The following NRG3 variants were observed in gnomAD, a reference collection of about 807,000 sequenced individuals.
NRG3 encodes the protein pro-neuregulin-3, membrane-bound isoform.
Under a neutral mutation model 66.9 loss-of-function variants are expected in NRG3, and 31 were observed. That is an observed-to-expected ratio of 0.46 (90% confidence interval 0.35 to 0.63). The LOEUF is 0.63. Among genes scored for constraint, NRG3 ranks in the 20% least tolerant of loss-of-function variants. The pLI, the probability that NRG3 is intolerant of heterozygous loss-of-function variation, is 0.00. For missense variants in NRG3, 910 were observed against 878.9 expected (o/e 1.04, Z -0.45); for synonymous variants, 393 against 359.4 (o/e 1.09, Z -1.06).
chr10:82,387,717 C>T (rs11194101), intron 2 of NRG3, among the ~76,000 whole-genome samples: 9 of 152,036 alleles, frequency 5.9e-5, no homozygotes, highest in Admixed American at 5.9e-4. Flanking sequence ...TGGCTATGAA[C>T]TCACCCACCA....
intron 1 of NRG3, among the ~76,000 whole-genome samples, chr10:82,018,136 T>G (rs2061876343): frequency 6.6e-6 from 1 of 152,206 alleles, no homozygotes; most frequent in South Asian, 2.1e-4. Context: ...GGGATCCAGT[T>G]TCCGCTTTCT....
intron 1 of NRG3, among the ~76,000 whole-genome samples, chr10:81,930,610 A>G (rs938033793): frequency 2.6e-5 from 4 of 152,162 alleles, no homozygotes; most frequent in African/African-American, 7.2e-5. Context: ...GTTTTGATCT[A>G]TAGGAGTTTT....
At chr10:82,395,511 C>T (rs2086657049) in intron 2 of NRG3, among the ~76,000 whole-genome samples, 1 of 152,110 alleles carries the variant, frequency 6.6e-6, no homozygotes, top group Non-Finnish European at 1.5e-5. Context: ...TTGTGTAAAA[C>T]CAGAATAAAT....
At chr10:81,960,630 T>G (rs1311207976) in intron 1 of NRG3, among the ~76,000 whole-genome samples, 5 of 151,674 alleles carry the variant, frequency 3.3e-5, no homozygotes, top group Non-Finnish European at 1.5e-5. Flanking sequence ...AAACTAATTC[T>G]GGTATCAAGC....
intron 1 of NRG3, among the ~76,000 whole-genome samples, chr10:81,921,556 A>T (rs1410393395): frequency 1.3e-5 from 2 of 152,046 alleles, no homozygotes; most frequent in East Asian, 3.9e-4. Context: ...ATCTGTCTAC[A>T]TTTATGCCTA....
At chr10:82,569,522 G>T (rs1020237628) in intron 2 of NRG3, among the ~76,000 whole-genome samples, 17 of 151,818 alleles carry the variant, frequency 1.1e-4, no homozygotes, top group African/African-American at 4.1e-4. Context: ...ATGTACCAAA[G>T]CTAAACTCTG....
chr10:82,786,690 A>G (rs981804582), intron 3 of NRG3, among the ~76,000 whole-genome samples: 13 of 152,148 alleles, frequency 8.5e-5, no homozygotes, highest in Admixed American at 1.3e-4. Flanking sequence ...TGAGAATGAC[A>G]TATGTTTTCC....
At chr10:82,337,717 C>T (rs2082461039) in intron 1 of NRG3, among the ~76,000 whole-genome samples, 1 of 152,090 alleles carries the variant, frequency 6.6e-6, no homozygotes, top group African/African-American at 2.4e-5. Context: ...TAAACACTAA[C>T]AATTTTGGAC....
chr10:82,179,675 A>G (rs2073282450), intron 1 of NRG3, among the ~76,000 whole-genome samples: 1 of 151,932 alleles, frequency 6.6e-6, no homozygotes, highest in South Asian at 2.1e-4. Flanking sequence ...ATTACAGAGT[A>G]TGAGGACTCT....
At chr10:82,551,019 C>G (rs994920352) in intron 2 of NRG3, among the ~76,000 whole-genome samples, 2 of 151,960 alleles carry the variant, frequency 1.3e-5, no homozygotes, top group Admixed American at 6.6e-5. Flanking sequence ...AAACTATTGA[C>G]AATACCAAAG....
intron 1 of NRG3, among the ~76,000 whole-genome samples, chr10:81,974,408 A>G (rs1017121246): frequency 2.0e-5 from 3 of 152,186 alleles, no homozygotes; most frequent in Admixed American, 6.5e-5. Context: ...TGACTGTGGC[A>G]TAGTAAGCCA....
intron 1 of NRG3, among the ~76,000 whole-genome samples, chr10:82,228,026 C>T (rs2076253413): frequency 6.6e-6 from 1 of 152,128 alleles, no homozygotes; most frequent in Non-Finnish European, 1.5e-5. Flanking sequence ...TTGATGGTCC[C>T]TGATGTTTCA....
At chr10:81,983,903 C>G (rs918747208) in intron 1 of NRG3, among the ~76,000 whole-genome samples, 3 of 152,134 alleles carry the variant, frequency 2.0e-5, no homozygotes, top group African/African-American at 7.2e-5. Context: ...GATTAAGGAT[C>G]TTGATATCGG....
chr10:82,281,655 A>G (rs189504191), intron 1 of NRG3, among the ~76,000 whole-genome samples: 2 of 152,244 alleles, frequency 1.3e-5, no homozygotes, highest in East Asian at 3.9e-4. Context: ...GTGAATCTAA[A>G]TTCCATTTTA....
Position 82,324,994 on chromosome 10 carries a change from G to T in NRG3, c.824-33745G>T, listed in dbSNP as rs144600815. On this transcript the variant is annotated intron_variant, in intron 1 of 8. Transcript: ENST00000372141. ...TCTTCTTGACTGTCAACTACCAAGA[G>T]ATAAGGGTTAAAATAGCAGATTATA... Among the ~76,000 whole-genome samples, 354 of 152,230 alleles carry T rather than the reference G, an allele frequency of 2.3e-3. 1 individual carries two copies. The highest frequency in any genetic ancestry group is 4.1e-3 in the Non-Finnish European group (282 of 68,016).
At chr10:82,897,007 G>T (rs1382355978) in intron 4 of NRG3, among the ~76,000 whole-genome samples, 1 of 152,158 alleles carries the variant, frequency 6.6e-6, no homozygotes, top group African/African-American at 2.4e-5. Flanking sequence ...GAAGAAATTC[G>T]GTTTGGTGAA....
chr10:82,609,970 G>C (rs2048207221), intron 2 of NRG3, among the ~76,000 whole-genome samples: 1 of 152,134 alleles, frequency 6.6e-6, no homozygotes, highest in African/African-American at 2.4e-5. Context: ...GTCTACCAAG[G>C]CTGGGCTTTT....
At chr10:82,817,469 G>A (rs1050591703) in intron 3 of NRG3, among the ~76,000 whole-genome samples, 1 of 152,124 alleles carries the variant, frequency 6.6e-6, no homozygotes, top group Non-Finnish European at 1.5e-5. Context: ...CTGTTTCCAG[G>A]CACTTGTGCT....
intron 2 of NRG3, among the ~76,000 whole-genome samples, chr10:82,734,823 A>G (rs768051593): frequency 6.6e-6 from 1 of 151,976 alleles, no homozygotes; most frequent in Non-Finnish European, 1.5e-5. Context: ...TTTGAGACCA[A>G]CTTCGGCAAC....
Sources: allele counts gnomAD v4.1 joint callset (sites outside exome capture counted in the v4.1 genomes callset), GRCh38; gene constraint gnomAD v4.1.1; transcripts MANE v1.5; gene names NCBI Gene and HGNC (gene_info 2026-07-23, HGNC 2026-07-21).